ATP2B2: variants seen among roughly 807,000 people sequenced by gnomAD.
The protein encoded by ATP2B2 is plasma membrane calcium-transporting ATPase 2.
In ATP2B2, 15 loss-of-function variants were observed where a neutral mutation model predicts 120.0. That is an observed-to-expected ratio of 0.12 (90% confidence interval 0.08 to 0.19). ATP2B2 has a LOEUF of 0.19. Ranked by LOEUF, ATP2B2 falls within the 10% of genes least tolerant of loss-of-function variation. The probability of loss-of-function intolerance (pLI) is 1.00; values close to 1 mark genes in which losing one functional copy is unlikely to be tolerated. For synonymous variants in ATP2B2, 694 were observed against 700.3 expected (o/e 0.99, Z 0.14); for missense variants, 1,045 against 1,719.8 (o/e 0.61, Z 6.94).
intron 2 of ATP2B2, among the ~76,000 whole-genome samples, chr3:10,603,847 C>T (rs2068991425): frequency 6.6e-6 from 1 of 152,108 alleles, no homozygotes; most frequent in Non-Finnish European, 1.5e-5. Context: ...AACTCTCAGA[C>T]GACAGAGCAA....
intron 1 of ATP2B2, among the ~76,000 whole-genome samples, chr3:10,489,602 C>T (rs921832213): frequency 1.3e-5 from 2 of 152,184 alleles, no homozygotes; most frequent in African/African-American, 4.8e-5. Context: ...TTTCTGAATG[C>T]CACCAGCTGG....
chr3:10,491,173 C>T (rs1373299505), intron 1 of ATP2B2, among the ~76,000 whole-genome samples: 2 of 151,826 alleles, frequency 1.3e-5, no homozygotes, highest in African/African-American at 4.8e-5. Flanking sequence ...CGGGCATTCA[C>T]CTGGAGCCCG....
intron 1 of ATP2B2, among the ~76,000 whole-genome samples, chr3:10,666,492 T>C (rs936551017): frequency 3.3e-5 from 5 of 152,168 alleles, no homozygotes; most frequent in African/African-American, 4.8e-5. Context: ...ACCCCACCAA[T>C]GCCCAACCAA....
chr3:10,340,033 G>A lies in ATP2B2; in HGVS notation c.3237+209C>T, dbSNP rs1344878603. ...ATATTACATAAACAACAGGAGCAGT[G>A]GTAGATAGATATAAGGCAAAAATCA... On this transcript the variant is annotated intron_variant, in intron 21 of 22. Coordinates refer to ENST00000360273, the MANE Select transcript of ATP2B2 (RefSeq NM_001001331.4). This position sits in a 1 kb window ranked among gnomAD's most constrained non-coding sequence, Gnocchi z 5.0. Among the ~76,000 whole-genome samples the A allele has an allele frequency of 6.6e-6, 1 of 152,206 alleles. No homozygotes were observed. The highest frequency in any genetic ancestry group is 1.5e-5 in the Non-Finnish European group (1 of 68,036).
intron 1 of ATP2B2, among the ~76,000 whole-genome samples, chr3:10,682,900 C>T (rs558835786): frequency 9.5e-4 from 145 of 152,308 alleles, no homozygotes; most frequent in African/African-American, 3.3e-3. Flanking sequence ...AACCAAAGAA[C>T]AAAGGTCAGA....
intron 12 of ATP2B2, among the ~76,000 whole-genome samples, chr3:10,362,897 A>G (rs1343610313): frequency 6.6e-6 from 1 of 152,226 alleles, no homozygotes; most frequent in Non-Finnish European, 1.5e-5. Context: ...ACACACATAT[A>G]TATTTGCAAT....
chr3:10,576,325 G>C (rs917557266), intron 2 of ATP2B2, among the ~76,000 whole-genome samples: 2 of 152,226 alleles, frequency 1.3e-5, no homozygotes, highest in African/African-American at 4.8e-5. Context: ...TCTCACTCAG[G>C]CTGCTTAGGC....
At chr3:10,448,038 GC>G (rs2125172643) in intron 2 of ATP2B2, among the ~76,000 whole-genome samples, 1 of 152,332 alleles carries the variant, frequency 6.6e-6, no homozygotes, top group Non-Finnish European at 1.5e-5. Context: ...TGGAGTGTAG[GC>G]ACATGTGACC....
chr3:10,674,003 AAAG>A (rs1255420185), intron 1 of ATP2B2, among the ~76,000 whole-genome samples: 1 of 152,016 alleles, frequency 6.6e-6, no homozygotes, highest in East Asian at 1.9e-4. Flanking sequence ...TAAAAAAAAA[AAAG>A]AAGCCAATAT....
chr3:10,365,423 G>C (rs1311474422), intron 12 of ATP2B2, among the ~76,000 whole-genome samples: 1 of 152,232 alleles, frequency 6.6e-6, no homozygotes, highest in Admixed American at 6.5e-5. Context: ...CTTTTGAGGA[G>C]AGTGAGGTGG....
chr3:10,338,585 G>A (rs2060193117), intron 21 of ATP2B2: 2 of 561,588 alleles, frequency 3.6e-6, no homozygotes, highest in Non-Finnish European at 6.3e-6. Flanking sequence ...CCAGGCTGGA[G>A]TGCAATTTGC....
chr3:10,437,783 T>C (rs2063525547), intron 2 of ATP2B2, among the ~76,000 whole-genome samples: 1 of 152,210 alleles, frequency 6.6e-6, no homozygotes, highest in Non-Finnish European at 1.5e-5. Context: ...AGAGTCATTG[T>C]AGAGATAGGG....
intron 2 of ATP2B2, among the ~76,000 whole-genome samples, chr3:10,555,479 C>G (rs2067758600): frequency 1.3e-5 from 2 of 152,246 alleles, no homozygotes. Context: ...CCTCCCTGTG[C>G]AAGGTCACAT....
chr3:10,444,477 G>A (rs781286415), intron 2 of ATP2B2, among the ~76,000 whole-genome samples: 4 of 152,088 alleles, frequency 2.6e-5, no homozygotes, highest in Non-Finnish European at 4.4e-5. Flanking sequence ...CTGCTCTCTC[G>A]TCCTCCCTCA....
At position 10,366,236 on chromosome 3, in the gene ATP2B2, C is replaced by T. The variant is rs113481915; in HGVS notation, c.1659+5573G>A. ...GATCTGAATTCAAGGGCTGTCTCTGCTTCCCCCCTTCCCCTTTCTCCTCGG... is the reference window on the plus strand; with the variant it reads ...GATCTGAATTCAAGGGCTGTCTCTGTTTCCCCCCTTCCCCTTTCTCCTCGG... On this transcript the variant is annotated intron_variant, in intron 12 of 22. Coordinates refer to ENST00000360273, the MANE Select transcript of ATP2B2 (RefSeq NM_001001331.4). 2.8e-3 allele frequency among the ~76,000 whole-genome samples: 425 copies of T among 152,274 alleles called. 1 individual carries two copies. The highest frequency in any genetic ancestry group is 4.3e-3 in the Non-Finnish European group (290 of 68,008).
At chr3:10,575,781 G>A (rs1017533047) in intron 2 of ATP2B2, among the ~76,000 whole-genome samples, 1 of 152,182 alleles carries the variant, frequency 6.6e-6, no homozygotes, top group African/African-American at 2.4e-5. Context: ...TGGCAGGGAG[G>A]CTCTATGTAG....
intron 2 of ATP2B2, among the ~76,000 whole-genome samples, chr3:10,592,896 C>T (rs578106858): frequency 2.6e-5 from 4 of 152,338 alleles, no homozygotes; most frequent in Non-Finnish European, 5.9e-5. Flanking sequence ...AATCCTCCCA[C>T]CTCAGCCTCC....
At chr3:10,501,350 T>C (rs1305606897) in intron 1 of ATP2B2, among the ~76,000 whole-genome samples, 1 of 150,020 alleles carries the variant, frequency 6.7e-6, no homozygotes, top group Admixed American at 6.7e-5. Context: ...GAGTTTTCCA[T>C]AGCATAACCC....
chr3:10,343,970 C>T lies in ATP2B2; in HGVS notation c.2704-1005G>A, dbSNP rs753225741. On this transcript the variant is annotated intron_variant, in intron 18 of 22. Coordinates refer to ENST00000360273, the MANE Select transcript of ATP2B2 (RefSeq NM_001001331.4). The surrounding 1 kb of genome is among the most constrained non-coding windows in gnomAD (Gnocchi z 4.2). ...CCCTGTAAGCTCAACAGCCCAAACCCGATGCTCTTCCCACCTCTGTTCTCT... is the reference window on the plus strand; with the variant it reads ...CCCTGTAAGCTCAACAGCCCAAACCTGATGCTCTTCCCACCTCTGTTCTCT... Among the ~76,000 whole-genome samples the T allele has an allele frequency of 1.2e-4, 19 of 152,154 alleles. No homozygotes were observed. Among genetic ancestry groups the T allele is most frequent in the South Asian group, 1.2e-3 (6 of 4,816 alleles).
Sources: allele counts gnomAD v4.1 joint callset (sites outside exome capture counted in the v4.1 genomes callset), GRCh38; gene constraint gnomAD v4.1.1; non-coding constraint Gnocchi (gnomAD v3.1); transcripts MANE v1.5; gene names NCBI Gene and HGNC (gene_info 2026-07-23, HGNC 2026-07-21).